Variants in NTMT1 observed in about 807,000 individuals in gnomAD.
NTMT1 encodes the protein N-terminal Xaa-Pro-Lys N-methyltransferase 1.
Under a neutral mutation model 17.5 loss-of-function variants are expected in NTMT1, and 8 were observed. The ratio of observed to expected loss-of-function variants is 0.46; its 90% CI spans 0.27 to 0.82. The LOEUF is 0.82. Among genes scored for constraint, NTMT1 ranks in the 40% least tolerant of loss-of-function variants. The pLI is 0.15. For synonymous variants in NTMT1, 128 were observed against 126.8 expected (o/e 1.01, Z -0.06); for missense variants, 221 against 303.5 (o/e 0.73, Z 2.02).
chr9:129,611,910 G>A (rs558808843), intron 1 of NTMT1, among the ~76,000 whole-genome samples: 19 of 152,016 alleles, frequency 1.2e-4, no homozygotes, highest in African/African-American at 4.6e-4. Flanking sequence ...GGAGCACCAC[G>A]CCCAGCTATT....
intron 1 of NTMT1, chr9:129,619,999 G>A: frequency 2.0e-6 from 3 of 1,468,060 alleles, no homozygotes; most frequent in Non-Finnish European, 1.8e-6. Flanking sequence ...GGTGGGTGCG[G>A]GGACACAAGG....
chr9:129,631,175 CT>C (rs1474965894), intron 1 of NTMT1, among the ~76,000 whole-genome samples: 4 of 152,268 alleles, frequency 2.6e-5, no homozygotes, highest in Non-Finnish European at 5.9e-5. Flanking sequence ...GCGGCTGCCC[CT>C]ATCTGCTGTT....
intron 3 of NTMT1, 142 bp downstream of exon 3, chr9:129,634,448 C>T: frequency 1.1e-6 from 1 of 872,028 alleles, no homozygotes; most frequent in Non-Finnish European, 1.7e-6. Context: ...CCCACCCCCA[C>T]CCCGTACTTC....
intron 1 of NTMT1, chr9:129,619,779 G>C (rs1830582403): frequency 6.2e-7 from 1 of 1,613,978 alleles, no homozygotes; most frequent in African/African-American, 1.3e-5. Context: ...ACACCGCGGA[G>C]ACCCTGGGCA....
rs769251673 is a variant in NTMT1 at position 129,613,171 on chromosome 9, G to T, written c.-55+3993G>T. 1 of 1,613,752 alleles carries T rather than the reference G, an allele frequency of 6.2e-7. No homozygotes were observed. The highest frequency in any genetic ancestry group is 2.2e-5 in the East Asian group (1 of 44,880). ...GCTGCTTCGCGGCCTCTGAGCAGCGGCCTTCTTCCATGAACAGAAGGGCAG... is the reference window on the plus strand; with the variant it reads ...GCTGCTTCGCGGCCTCTGAGCAGCGTCCTTCTTCCATGAACAGAAGGGCAG... On this transcript the variant is annotated intron_variant, in intron 1 of 3. Transcript: ENST00000372486. The surrounding 1 kb of genome is among the most constrained non-coding windows in gnomAD (Gnocchi z 6.2).
intron 1 of NTMT1, chr9:129,612,193 C>T: frequency 1.6e-6 from 1 of 642,544 alleles, no homozygotes; most frequent in Non-Finnish European, 2.7e-6. Flanking sequence ...CCAGGAACCC[C>T]CAGAGACCAG....
At chr9:129,630,401 TC>T (rs1831099332) in intron 1 of NTMT1, among the ~76,000 whole-genome samples, 1 of 152,144 alleles carries the variant, frequency 6.6e-6, no homozygotes, top group Non-Finnish European at 1.5e-5. Context: ...TGAGCTGTAC[TC>T]AAGTCTGGCG....
At position 129,631,011 on chromosome 9, in the gene NTMT1, C is replaced by T. The variant is rs544684929; in HGVS notation, c.-54-1639C>T. 2.2e-4 allele frequency among the ~76,000 whole-genome samples: 33 copies of T among 152,318 alleles called. 1 individual carries two copies. The South Asian group carries it at 3.1e-3, about 14-fold the overall frequency. Reference sequence around the variant, plus strand: ...CTCGAGGCCACCCTCATCCAGGCCCCGTCTGCCTTTCCGAGCTCACCTTCC... The same window carrying T: ...CTCGAGGCCACCCTCATCCAGGCCCTGTCTGCCTTTCCGAGCTCACCTTCC... On this transcript the variant is annotated intron_variant, in intron 1 of 3. Coordinates refer to ENST00000372483, the MANE Select transcript of NTMT1 (RefSeq NM_014064.4).
intron 1 of NTMT1, among the ~76,000 whole-genome samples, chr9:129,631,568 T>G (rs1308503229): frequency 9.9e-5 from 15 of 152,278 alleles, no homozygotes; most frequent in Admixed American, 9.2e-4. Flanking sequence ...CCAGCAGTCT[T>G]CAGAAGCATC....
intron 1 of NTMT1, chr9:129,619,913 A>G (rs1830591194): frequency 6.6e-7 from 1 of 1,525,510 alleles, no homozygotes; most frequent in Non-Finnish European, 9.1e-7. Flanking sequence ...ATGGCAGACC[A>G]GCCCTCAAGG....
chr9:129,623,038 A>G (rs955848646), upstream of NTMT1, among the ~76,000 whole-genome samples: 7 of 151,180 alleles, frequency 4.6e-5, no homozygotes, highest in African/African-American at 1.7e-4. Flanking sequence ...CCATAAAAAA[A>G]AAAAGAAAGA....
intron 1 of NTMT1, among the ~76,000 whole-genome samples, chr9:129,631,045 C>T (rs1172588223): frequency 6.6e-6 from 1 of 152,188 alleles, no homozygotes; most frequent in Non-Finnish European, 1.5e-5. Context: ...CCACAGTCTT[C>T]CCCCGCTCCA....
At chr9:129,626,493 A>T (rs1037337878) in intron 1 of NTMT1, 198 bp downstream of exon 1, 8 of 152,288 alleles carry the variant, frequency 5.3e-5, no homozygotes, top group African/African-American at 1.9e-4. Context: ...ACTACGGAGC[A>T]GTCCATGGGT....
chr9:129,612,880 T>C (rs771661648), intron 1 of NTMT1, among the ~76,000 whole-genome samples: 4 of 151,960 alleles, frequency 2.6e-5, no homozygotes, highest in Non-Finnish European at 5.9e-5. Flanking sequence ...AGAAAGGAAC[T>C]GTGATCGGAA....
chr9:129,631,891 T>C (rs1272305183), intron 1 of NTMT1, among the ~76,000 whole-genome samples: 1 of 152,160 alleles, frequency 6.6e-6, no homozygotes, highest in Non-Finnish European at 1.5e-5. Flanking sequence ...GGTGTGGTTG[T>C]GTCTGTAGAA....
upstream of NTMT1, among the ~76,000 whole-genome samples, chr9:129,624,212 C>T (rs1451913514): frequency 1.3e-5 from 2 of 152,162 alleles, no homozygotes; most frequent in East Asian, 1.9e-4. Context: ...GTCAGGGAGC[C>T]GGCCAGTCCT....
chr9:129,628,912 GGA>G (rs1831015333), intron 1 of NTMT1, among the ~76,000 whole-genome samples: 1 of 152,212 alleles, frequency 6.6e-6, no homozygotes, highest in African/African-American at 2.4e-5. Context: ...GCGGTGAGAG[GGA>G]GACAGGCTTG....
rs767280452 is a variant in NTMT1 at position 129,634,331 on chromosome 9, G to A, written c.415+25G>A. ...GGTGAGGGTTCCACCGCCCTTCCCT[G>A]CTCACCTGTATGTCTCCTGCCACTC... On this transcript the variant is annotated intron_variant, in intron 3 of 3. Transcript: ENST00000372483. 3.3e-5 allele frequency: 52 copies of A among 1,570,040 alleles called. No individual in the cohort carries two copies. The Middle Eastern group carries it at 6.8e-4, about 21-fold the overall frequency.
chr9:129,629,336 C>T (rs541199449), intron 1 of NTMT1, among the ~76,000 whole-genome samples: 44 of 152,220 alleles, frequency 2.9e-4, no homozygotes, highest in African/African-American at 9.2e-4. Context: ...GTCAGCTACC[C>T]GGGCACATCT....
Sources: gnomAD v4.1 joint callset for allele counts (sites outside exome capture counted in the v4.1 genomes callset) on GRCh38, gnomAD v4.1.1 for gene constraint, Gnocchi (gnomAD v3.1) non-coding constraint, MANE v1.5 for transcripts, NCBI Gene and HGNC (gene_info 2026-07-23, HGNC 2026-07-21) for gene names.